Variants in DGKG observed in about 807,000 individuals in gnomAD.
DGKG encodes DAG kinase gamma.
Under a neutral mutation model 105.3 loss-of-function variants are expected in DGKG, and 78 were observed. The ratio of observed to expected loss-of-function variants is 0.74; its 90% CI spans 0.62 to 0.89. The LOEUF is 0.89. DGKG is among the 40% of genes least tolerant of loss of function. The pLI, the probability that DGKG is intolerant of heterozygous loss-of-function variation, is 0.00. For missense variants in DGKG, 958 were observed against 1,020.1 expected (o/e 0.94, Z 0.83); for synonymous variants, 346 against 367.1 (o/e 0.94, Z 0.66).
chr3:186,169,942 A>C (rs534448248), intron 22 of DGKG, among the ~76,000 whole-genome samples: 6 of 152,226 alleles, frequency 3.9e-5, no homozygotes, highest in Non-Finnish European at 7.3e-5. Context: ...TAAGAGACTT[A>C]AGGAGTTCTA....
chr3:186,192,309 C>T (rs1717947471), intron 21 of DGKG, among the ~76,000 whole-genome samples: 1 of 152,156 alleles, frequency 6.6e-6, no homozygotes, highest in African/African-American at 2.4e-5. Context: ...GGGCCTGGCC[C>T]ACATTTTCTT....
chr3:186,248,973 T>C (rs2108559700), intron 19 of DGKG, among the ~76,000 whole-genome samples: 1 of 152,302 alleles, frequency 6.6e-6, no homozygotes, highest in East Asian at 1.9e-4. Context: ...AAAAGACATA[T>C]GAGTTTTTTT....
intron 17 of DGKG, among the ~76,000 whole-genome samples, chr3:186,254,446 T>C (rs541575228): frequency 6.6e-6 from 1 of 152,290 alleles, no homozygotes; most frequent in African/African-American, 2.4e-5. Context: ...ACTGCCTCCC[T>C]GCCTTTGCAC....
At chr3:186,341,779 A>G (rs960193533) in intron 1 of DGKG, among the ~76,000 whole-genome samples, 9 of 152,180 alleles carry the variant, frequency 5.9e-5, no homozygotes. Context: ...ATGTCCAACA[A>G]TGATAGACTG....
intron 18 of DGKG, among the ~76,000 whole-genome samples, chr3:186,252,380 C>T (rs1349517998): frequency 1.3e-5 from 2 of 152,250 alleles, no homozygotes; most frequent in Non-Finnish European, 2.9e-5. Context: ...CTGGTCTTGA[C>T]TCATTCTCTG....
At chr3:186,273,648 C>T (rs770656834) in intron 10 of DGKG, among the ~76,000 whole-genome samples, 16 of 152,240 alleles carry the variant, frequency 1.1e-4, no homozygotes, top group Middle Eastern at 3.4e-3. Context: ...GCTGGGATTA[C>T]GGCGTGAATC....
At chr3:186,333,586 C>G (rs144676127) in intron 1 of DGKG, among the ~76,000 whole-genome samples, 1 of 152,162 alleles carries the variant, frequency 6.6e-6, no homozygotes, top group African/African-American at 2.4e-5. Context: ...CCTTCTATAA[C>G]ATTTTGTGCA....
chr3:186,339,143 T>A (rs1315155727), intron 1 of DGKG, among the ~76,000 whole-genome samples: 2 of 152,230 alleles, frequency 1.3e-5, no homozygotes. Flanking sequence ...AAAATAATGA[T>A]GTTCAATGGG....
chr3:186,190,387 C>A (rs1237787362), intron 21 of DGKG, among the ~76,000 whole-genome samples: 3 of 152,180 alleles, frequency 2.0e-5, no homozygotes, highest in African/African-American at 7.2e-5. Context: ...CTAATGGGGG[C>A]AGGTGGCTAC....
chr3:186,244,698 G>T (rs761576711), intron 19 of DGKG, among the ~76,000 whole-genome samples: 4 of 152,076 alleles, frequency 2.6e-5, no homozygotes, highest in Admixed American at 1.3e-4. Flanking sequence ...TGAGCCACCA[G>T]GCCTGGCCAA....
chr3:186,285,245 A>G (rs1723009063), intron 6 of DGKG, among the ~76,000 whole-genome samples: 1 of 152,230 alleles, frequency 6.6e-6, no homozygotes, highest in Non-Finnish European at 1.5e-5. Context: ...TGATAGGCCA[A>G]ATCAACTGGG....
intron 2 of DGKG, among the ~76,000 whole-genome samples, chr3:186,312,307 T>C (rs1724594025): frequency 6.6e-6 from 1 of 152,192 alleles, no homozygotes; most frequent in Non-Finnish European, 1.5e-5. Flanking sequence ...AAGTTCTCTA[T>C]GAGCTTCTCA....
intron 20 of DGKG, among the ~76,000 whole-genome samples, chr3:186,216,671 A>T (rs1014764118): frequency 1.3e-5 from 2 of 152,044 alleles, no homozygotes; most frequent in Non-Finnish European, 2.9e-5. Flanking sequence ...GGAAAAGCCT[A>T]TAGGCACGTG....
intron 2 of DGKG, among the ~76,000 whole-genome samples, chr3:186,319,954 A>G (rs933609619): frequency 6.6e-6 from 1 of 152,268 alleles, no homozygotes; most frequent in African/African-American, 2.4e-5. Flanking sequence ...ATTGAGTAAC[A>G]TTGTAGCCAT....
At chr3:186,312,234 T>C (rs1040056073) in intron 2 of DGKG, among the ~76,000 whole-genome samples, 1 of 147,954 alleles carries the variant, frequency 6.8e-6, no homozygotes, top group Non-Finnish European at 1.5e-5. Context: ...TTTTCAAAAG[T>C]GAATCTGAAA....
chr3:186,290,307 A>G (rs1191007258), intron 5 of DGKG, among the ~76,000 whole-genome samples: 1 of 152,240 alleles, frequency 6.6e-6, no homozygotes, highest in East Asian at 1.9e-4. Flanking sequence ...TAATAAAATT[A>G]CATATTTAAT....
intron 1 of DGKG, among the ~76,000 whole-genome samples, chr3:186,347,403 A>C (rs1237607411): frequency 7.0e-6 from 1 of 142,982 alleles, no homozygotes. Flanking sequence ...AGCCGAGACC[A>C]CAGCCGCTGC....
intron 1 of DGKG, among the ~76,000 whole-genome samples, chr3:186,344,209 A>G (rs754989733): frequency 4.6e-5 from 7 of 152,156 alleles, no homozygotes; most frequent in African/African-American, 7.2e-5. Context: ...CAGAACTACC[A>G]TTGGACCCAG....
intron 22 of DGKG, among the ~76,000 whole-genome samples, chr3:186,167,574 G>A (rs1255852574): frequency 2.0e-5 from 3 of 152,218 alleles, no homozygotes; most frequent in Non-Finnish European, 2.9e-5. Flanking sequence ...GCAAGTCAGT[G>A]TCTAGGCACA....
Sources: gnomAD v4.1 joint callset for allele counts (sites outside exome capture counted in the v4.1 genomes callset) on GRCh38, gnomAD v4.1.1 for gene constraint, MANE v1.5 for transcripts, NCBI Gene and HGNC (gene_info 2026-07-23, HGNC 2026-07-21) for gene names.